The following ADCY2 variants were observed in gnomAD, a reference collection of about 807,000 sequenced individuals.
ADCY2 encodes the protein adenylate cyclase type 2.
Under a neutral mutation model 125.2 loss-of-function variants are expected in ADCY2, and 31 were observed. The observed-to-expected ratio is 0.25, with a 90% confidence interval of 0.19 to 0.33. The LOEUF (loss-of-function observed/expected upper bound fraction) is 0.33, where lower values mean the gene tolerates loss of function less well. Among genes scored for constraint, ADCY2 ranks in the 10% least tolerant of loss-of-function variants. The pLI is 1.00. For missense variants in ADCY2, 904 were observed against 1,418.2 expected, an observed-to-expected ratio of 0.64 and a Z score of 5.82; for synonymous variants, 512 against 548.4, an observed-to-expected ratio of 0.93 and a Z score of 0.93.
At chr5:7,476,807 C>A (rs1333178878) in intron 2 of ADCY2, among the ~76,000 whole-genome samples, 1 of 152,178 alleles carries the variant, frequency 6.6e-6, no homozygotes, top group East Asian at 1.9e-4. Flanking sequence ...ATTTATAAGT[C>A]AATGTCTTGT....
intron 20 of ADCY2, chr5:7,796,644 C>A (rs1744430690): frequency 6.6e-6 from 1 of 152,252 alleles, no homozygotes; most frequent in South Asian, 2.1e-4. Context: ...TTCTCCTGGG[C>A]ACTTGTGTTA....
chr5:7,548,810 TC>T (rs1366652793), intron 3 of ADCY2, among the ~76,000 whole-genome samples: 5 of 152,172 alleles, frequency 3.3e-5, no homozygotes, highest in Non-Finnish European at 7.4e-5. Context: ...CCCAAAGCCA[TC>T]TGTGATTTGC....
intron 11 of ADCY2, among the ~76,000 whole-genome samples, chr5:7,716,217 A>T (rs1346806956): frequency 6.6e-6 from 1 of 152,224 alleles, no homozygotes; most frequent in Non-Finnish European, 1.5e-5. Flanking sequence ...GTTTTCTGTG[A>T]ATAGTGCTTT....
In ADCY2 at chr5:7,440,662, G is replaced by C. The variant is rs73737374; in HGVS notation, c.408+25892G>C. On this transcript the variant is annotated intron_variant, in intron 2 of 24. Coordinates refer to ENST00000338316, the MANE Select transcript of ADCY2 (RefSeq NM_020546.3). Reference sequence around the variant, plus strand: ...ACACAGTGACAGATCCGCTAATGAGGATTAAAGATGCCAGTGATCCTTCAT... The same window carrying C: ...ACACAGTGACAGATCCGCTAATGAGCATTAAAGATGCCAGTGATCCTTCAT... Among the ~76,000 whole-genome samples, 925 of 152,286 alleles carry C rather than the reference G, an allele frequency of 6.1e-3. 11 individuals are homozygous for C. Among genetic ancestry groups the C allele is most frequent in the African/African-American group, 0.021 (885 of 41,546 alleles).
At chr5:7,749,974 C>T (rs1742753711) in intron 15 of ADCY2, among the ~76,000 whole-genome samples, 1 of 152,140 alleles carries the variant, frequency 6.6e-6, no homozygotes, top group African/African-American at 2.4e-5. Flanking sequence ...GTTCCTTGTT[C>T]CATCTTTCTA....
chr5:7,593,290 C>T (rs551531025), intron 3 of ADCY2, among the ~76,000 whole-genome samples: 11 of 152,260 alleles, frequency 7.2e-5, no homozygotes, highest in African/African-American at 2.6e-4. Context: ...ACAAAAGTAC[C>T]TCTATATTAT....
intron 2 of ADCY2, among the ~76,000 whole-genome samples, chr5:7,452,166 G>A (rs1741498228): frequency 6.6e-6 from 1 of 152,162 alleles, no homozygotes; most frequent in African/African-American, 2.4e-5. Context: ...GCCTGCCTCA[G>A]CCTCTCAAAG....
At chr5:7,609,909 TGA>T (rs1737513597) in intron 3 of ADCY2, among the ~76,000 whole-genome samples, 1 of 151,952 alleles carries the variant, frequency 6.6e-6, no homozygotes, top group South Asian at 2.1e-4. Flanking sequence ...GAGCCAGGCA[TGA>T]GATTGCCAGG....
At chr5:7,502,993 ACTC>A (rs1347602978) in intron 2 of ADCY2, among the ~76,000 whole-genome samples, 1 of 151,842 alleles carries the variant, frequency 6.6e-6, no homozygotes. Flanking sequence ...ATAATCTGCA[ACTC>A]CTGTGCCTTT....
chr5:7,772,719 G>A (rs554050390), intron 17 of ADCY2, among the ~76,000 whole-genome samples: 155 of 145,686 alleles, frequency 1.1e-3, no homozygotes, highest in Non-Finnish European at 1.5e-3. Flanking sequence ...ATCATGCAAG[G>A]TTGAGTCGGA....
At chr5:7,742,263 A>T (rs1742462228) in intron 14 of ADCY2, among the ~76,000 whole-genome samples, 1 of 152,040 alleles carries the variant, frequency 6.6e-6, no homozygotes, top group African/African-American at 2.4e-5. Flanking sequence ...TAGCTCTGAG[A>T]TGTGGGCTGG....
At chr5:7,729,328 G>A (rs1156954813) in intron 14 of ADCY2, among the ~76,000 whole-genome samples, 1 of 152,008 alleles carries the variant, frequency 6.6e-6, no homozygotes, top group Non-Finnish European at 1.5e-5. Context: ...GCTCTTTACT[G>A]TAGATACAAT....
intron 24 of ADCY2, 187 bp from the exon 25 acceptor site, chr5:7,826,532 A>G: frequency 1.4e-6 from 1 of 726,550 alleles, no homozygotes; most frequent in Non-Finnish European, 2.3e-6. Flanking sequence ...CCAGCGCTGA[A>G]TTAAACAACA....
At chr5:7,613,242 C>T (rs965138988) in intron 3 of ADCY2, among the ~76,000 whole-genome samples, 23 of 151,986 alleles carry the variant, frequency 1.5e-4, no homozygotes, top group African/African-American at 4.8e-4. Flanking sequence ...CCCTAGGAAT[C>T]CCAGGAAACC....
chr5:7,562,127 A>G (rs1735727651), intron 3 of ADCY2, among the ~76,000 whole-genome samples: 1 of 152,104 alleles, frequency 6.6e-6, no homozygotes. Context: ...TGATATATAT[A>G]TAAGAAAAAC....
In ADCY2 at chr5:7,621,122, G is replaced by A. The variant is rs187275643; in HGVS notation, c.571-5045G>A. 1.5e-3 allele frequency among the ~76,000 whole-genome samples: 223 copies of A among 152,312 alleles called. 2 individuals carry two copies. Among genetic ancestry groups the A allele is most frequent in the African/African-American group, 5.1e-3 (214 of 41,562 alleles). ...CCTAACTCGTGATAATTTCTCAAAT[G>A]TTTAAAGACAATGACCTGATACCCT... On this transcript the variant is annotated intron_variant, in intron 3 of 24. Transcript: ENST00000338316.
intron 2 of ADCY2, among the ~76,000 whole-genome samples, chr5:7,466,240 C>T (rs1168057238): frequency 6.6e-6 from 1 of 152,102 alleles, no homozygotes; most frequent in African/African-American, 2.4e-5. Context: ...AGATATGCCT[C>T]CAAGTTTTCT....
chr5:7,668,864 CA>C (rs1454418446), intron 4 of ADCY2, among the ~76,000 whole-genome samples: 1 of 152,176 alleles, frequency 6.6e-6, no homozygotes, highest in Non-Finnish European at 1.5e-5. Flanking sequence ...ACAACTTGTT[CA>C]GTCTATACTA....
At chr5:7,489,333 C>G (rs1044484965) in intron 2 of ADCY2, among the ~76,000 whole-genome samples, 1 of 152,202 alleles carries the variant, frequency 6.6e-6, no homozygotes, top group African/African-American at 2.4e-5. Context: ...CTTTTTGACA[C>G]ACTTACATAT....
Sources: allele counts gnomAD v4.1 joint callset (sites outside exome capture counted in the v4.1 genomes callset), GRCh38; gene constraint gnomAD v4.1.1; transcripts MANE v1.5; gene names NCBI Gene and HGNC (gene_info 2026-07-23, HGNC 2026-07-21).